Variants in ZNF503 observed in about 807,000 individuals in gnomAD.
ZNF503 encodes the protein NocA-like zinc finger 2.
A neutral mutation model predicts 34.4 loss-of-function variants in ZNF503; 15 were observed. That is an observed-to-expected ratio of 0.44 (90% CI 0.29 to 0.67). ZNF503 has a LOEUF of 0.67. Among genes scored for constraint, ZNF503 ranks in the 30% least tolerant of loss-of-function variants. The probability of loss-of-function intolerance (pLI) is 0.13; values close to 1 mark genes in which losing one functional copy is unlikely to be tolerated. For missense variants in ZNF503, 1,007 were observed against 926.8 expected, an observed-to-expected ratio of 1.09 and a Z score of -1.12; for synonymous variants, 580 against 456.8, an observed-to-expected ratio of 1.27 and a Z score of -3.44.
the ZNF503 span, among the ~76,000 whole-genome samples, chr10:75,281,420 G>A: frequency 3.9e-5 from 6 of 152,212 alleles, no homozygotes; most frequent in African/African-American, 9.6e-5. Flanking sequence ...CATTACTGTC[G>A]AGTGTGCCGC....
rs1298660763 is a variant in ZNF503 at position 75,397,901 on chromosome 10, T to C, written c.*848A>G. The C allele has an allele frequency of 2.0e-5, 3 of 152,684 alleles. No individual in the cohort carries two copies. The highest frequency in any genetic ancestry group is 4.4e-5 in the Non-Finnish European group (3 of 68,052). The allele number at this position is 152,684 out of a possible 1,614,324, so 9.5% of individuals were successfully genotyped here. On this transcript the variant is annotated 3_prime_UTR_variant, in exon 2 of 2. Coordinates refer to ENST00000372524, the MANE Select transcript of ZNF503 (RefSeq NM_032772.6). The stretch of plus-strand genomic sequence containing the variant: ...TTAAAGCGATACATTGTCTATTATT[T>C]TAGTACATGACGTAAACCTTGTCCC...
chr10:75,292,461 G>A, the ZNF503 span, among the ~76,000 whole-genome samples: 2 of 152,222 alleles, frequency 1.3e-5, no homozygotes, highest in Non-Finnish European at 2.9e-5. Context: ...TTGCTCCTGC[G>A]ATACATTGGC....
chr10:75,301,616 T>C, the ZNF503 span, among the ~76,000 whole-genome samples: 1 of 152,246 alleles, frequency 6.6e-6, no homozygotes, highest in Non-Finnish European at 1.5e-5. Flanking sequence ...TGAATAATCA[T>C]ATTTTTAGTT....
At chr10:75,337,285 T>G in the ZNF503 span, among the ~76,000 whole-genome samples, 1 of 151,578 alleles carries the variant, frequency 6.6e-6, no homozygotes, top group Admixed American at 6.6e-5. Flanking sequence ...GCCGAGATCG[T>G]GCTACTGCCC....
the ZNF503 span, among the ~76,000 whole-genome samples, chr10:75,314,236 CAAAAAAAAA>C: frequency 2.2e-5 from 2 of 89,808 alleles, no homozygotes; most frequent in African/African-American, 8.1e-5. Flanking sequence ...GACTCCGTCT[CAAAAAAAAA>C]AAAAAAAAAA....
chr10:75,382,822 G>A, the ZNF503 span: 3 of 277,324 alleles, frequency 1.1e-5, no homozygotes, highest in Non-Finnish European at 2.3e-5. Context: ...TCAGTAGTGG[G>A]TATTGGAGAA....
the ZNF503 span, among the ~76,000 whole-genome samples, chr10:75,312,193 T>A: frequency 1.3e-5 from 2 of 151,968 alleles, no homozygotes; most frequent in Admixed American, 1.3e-4. Context: ...GGTGACAGAG[T>A]GAGAACCTGT....
At chr10:75,392,441 G>T in the ZNF503 span, among the ~76,000 whole-genome samples, 1 of 152,182 alleles carries the variant, frequency 6.6e-6, no homozygotes, top group Non-Finnish European at 1.5e-5. Flanking sequence ...AAAGATCGGT[G>T]TGTGGTGGGG....
the ZNF503 span, among the ~76,000 whole-genome samples, chr10:75,294,842 G>T: frequency 5.9e-5 from 9 of 152,174 alleles, no homozygotes; most frequent in African/African-American, 2.2e-4. Flanking sequence ...CCGCCTGTCA[G>T]GGTTCTATCT....
At position 75,398,697 on chromosome 10, in the gene ZNF503, C is replaced by G; in HGVS notation, c.*52G>C. The G allele has an allele frequency of 1.5e-6, 2 of 1,341,548 alleles. No individual in the cohort carries two copies. The highest frequency in any genetic ancestry group is 1.9e-6 in the Non-Finnish European group (2 of 1,050,480). The allele number at this position is 1,341,548 out of a possible 1,614,324, so 83.1% of individuals were successfully genotyped here. ...GGCCGTGATCCCGCCTCTCCCTGGA[C>G]TCCTCCCCTCCCCCTCTCCCTCCTC... is the stretch of plus-strand genomic sequence containing the variant. On this transcript the variant is annotated 3_prime_UTR_variant, in exon 2 of 2. Transcript: ENST00000372524.
chr10:75,301,273 C>T, the ZNF503 span, among the ~76,000 whole-genome samples: 1 of 152,104 alleles, frequency 6.6e-6, no homozygotes, highest in South Asian at 2.1e-4. Context: ...GACAGTCTTG[C>T]TCTGTTGCCC....
At chr10:75,363,549 G>A in the ZNF503 span, among the ~76,000 whole-genome samples, 18 of 152,270 alleles carry the variant, frequency 1.2e-4, no homozygotes, top group South Asian at 1.5e-3. Flanking sequence ...GGACAGTCTC[G>A]CCCAGCAAAT....
chr10:75,334,985 C>T, the ZNF503 span, among the ~76,000 whole-genome samples: 11 of 152,284 alleles, frequency 7.2e-5, no homozygotes, highest in East Asian at 1.9e-4. Flanking sequence ...GCAAGGAGGT[C>T]GGTCTGATAT....
At chr10:75,369,994 G>C in the ZNF503 span, among the ~76,000 whole-genome samples, 3 of 152,050 alleles carry the variant, frequency 2.0e-5, no homozygotes, top group South Asian at 6.3e-4. Flanking sequence ...TTGAACCCGG[G>C]AGGTGGAGGT....
the ZNF503 span, among the ~76,000 whole-genome samples, chr10:75,385,528 T>C: frequency 6.6e-6 from 1 of 152,314 alleles, no homozygotes; most frequent in African/African-American, 2.4e-5. Flanking sequence ...TGCTGTTGGC[T>C]GGGGCTTCAG....
the ZNF503 span, among the ~76,000 whole-genome samples, chr10:75,375,162 C>T: frequency 6.6e-6 from 1 of 152,186 alleles, no homozygotes; most frequent in East Asian, 1.9e-4. Context: ...GCTGTGTTGC[C>T]CAGGCTGGAG....
chr10:75,367,042 C>G, the ZNF503 span, among the ~76,000 whole-genome samples: 6 of 152,348 alleles, frequency 3.9e-5, no homozygotes, highest in African/African-American at 1.4e-4. Flanking sequence ...GGCTGCACCA[C>G]TTTGTGTTAC....
chr10:75,291,513 G>C, the ZNF503 span, among the ~76,000 whole-genome samples: 1 of 152,190 alleles, frequency 6.6e-6, no homozygotes, highest in African/African-American at 2.4e-5. Flanking sequence ...TTGGGAGGCT[G>C]AGGGGGAGGA....
At chr10:75,356,997 C>A in the ZNF503 span, among the ~76,000 whole-genome samples, 1,340 of 152,172 alleles carry the variant, frequency 8.8e-3, 18 homozygotes, top group African/African-American at 0.031. Context: ...CAAGAAAAAA[C>A]AGGGTTCCTC....
Sources: allele counts gnomAD v4.1 joint callset (sites outside exome capture counted in the v4.1 genomes callset), GRCh38; gene constraint gnomAD v4.1.1; transcripts MANE v1.5; gene names NCBI Gene and HGNC (gene_info 2026-07-23, HGNC 2026-07-21).